The following DACH1 variants were observed in gnomAD, a reference collection of about 807,000 sequenced individuals.
DACH1 encodes dachshund family transcription factor 1, also known as dachshund homolog 1.
In DACH1, 12 loss-of-function variants were observed where a neutral mutation model predicts 54.2. The observed-to-expected ratio is 0.22, with a 90% CI of 0.14 to 0.36. DACH1 has a LOEUF of 0.36. DACH1 is among the 10% of genes least tolerant of loss of function. The pLI is 1.00. For missense variants in DACH1, 805 were observed against 929.8 expected (o/e 0.87, Z 1.75); for synonymous variants, 386 against 366.2 (o/e 1.05, Z -0.62).
rs558475206 is a variant in DACH1, at chr13:71,721,848, A to C, written c.849-39938T>G. Among the ~76,000 whole-genome samples, 322 of 152,280 alleles carry C rather than the reference A, an allele frequency of 2.1e-3. 2 individuals are homozygous for C. Among genetic ancestry groups the C allele is most frequent in the African/African-American group, 7.2e-3 (299 of 41,588 alleles). On this transcript the variant is annotated intron_variant, in intron 1 of 10. Transcript: ENST00000613252. ...GATGAAAGTTCTTAACAATATGTTA[A>C]AGCATTTTACTTCTTGAGTGGTACA...
chr13:71,747,444 G>A (rs1884645588), intron 1 of DACH1, among the ~76,000 whole-genome samples: 1 of 152,078 alleles, frequency 6.6e-6, no homozygotes, highest in South Asian at 2.1e-4. Flanking sequence ...AGCTGGGTGA[G>A]GTGGTGCATT....
Position 71,866,426 on chromosome 13 carries a change from C to T in DACH1, c.344G>A (p.Ser115Asn). 7.1e-7 allele frequency: 1 copy of T among 1,410,672 alleles called. No homozygotes were observed. The allele number at this position is 1,410,672 out of a possible 1,614,324, so 87.4% of individuals were successfully genotyped here. A position where few individuals can be genotyped will look rare whatever the true frequency, so the allele number is the denominator to read the frequency against. Residue 115 changes from serine to asparagine, a missense_variant, in exon 1 of 11, where the codon AGC (serine) becomes AAC (asparagine). This residue lies in a region of DACH1 where 305 missense variants were observed against 308.7 expected (regional missense o/e 0.99). Transcript: ENST00000613252. ...GCTGATGCCGCCGCCGCCGCCGCCG[C>T]TGCCGTTGCTCGCGGCCGCCAGGTT... ...NPNLAAASNGSGGGGGGISAG... is the reference protein window; with the variant it reads ...NPNLAAASNGNGGGGGGISAG...
chr13:71,764,624 C>A (rs370036749), intron 1 of DACH1, among the ~76,000 whole-genome samples: 1 of 152,066 alleles, frequency 6.6e-6, no homozygotes, highest in Non-Finnish European at 1.5e-5. Context: ...GGGTATAAGT[C>A]TCGTAAGTTT....
intron 4 of DACH1, among the ~76,000 whole-genome samples, chr13:71,563,407 G>A (rs1051960389): frequency 6.6e-6 from 1 of 151,896 alleles, no homozygotes; most frequent in Admixed American, 6.6e-5. Context: ...TGGAAAGCAT[G>A]AGAATATAAT....
In DACH1 at chr13:71,741,053, T is replaced by C. The variant is rs972685739; in HGVS notation, c.849-59143A>G. On this transcript the variant is annotated intron_variant, in intron 1 of 10. Transcript: ENST00000613252. ...TCAAGATAAAACAGTAAATTATTAG[T>C]TTTCTAAAGAAAAACTAGTAGTAAT... Among the ~76,000 whole-genome samples, 6 of 152,214 alleles carry C rather than the reference T, an allele frequency of 3.9e-5. No homozygotes were observed. In the East Asian group the frequency reaches 7.7e-4, roughly 20 times the overall value.
intron 6 of DACH1, among the ~76,000 whole-genome samples, chr13:71,532,081 G>T (rs561887722): frequency 1.1e-4 from 17 of 151,816 alleles, no homozygotes; most frequent in Non-Finnish European, 1.5e-4. Flanking sequence ...AATGATATTA[G>T]TGAACTACTT....
chr13:71,603,310 A>G (rs1417056485), intron 3 of DACH1, among the ~76,000 whole-genome samples: 1 of 151,994 alleles, frequency 6.6e-6, no homozygotes, highest in African/African-American at 2.4e-5. Flanking sequence ...GTACAGACTA[A>G]AAACAATCGC....
chr13:71,455,393 T>C (rs1324327852), intron 10 of DACH1, among the ~76,000 whole-genome samples: 3 of 152,078 alleles, frequency 2.0e-5, no homozygotes, highest in African/African-American at 7.2e-5. Flanking sequence ...TGTGTACCTA[T>C]ATATATCTTC....
chr13:71,816,143 A>T (rs2138165515), intron 1 of DACH1, among the ~76,000 whole-genome samples: 1 of 152,334 alleles, frequency 6.6e-6, no homozygotes, highest in African/African-American at 2.4e-5. Context: ...AGATTGTCTT[A>T]AAATTAACAA....
rs530132124 is a variant in DACH1, at chr13:71,657,770, T to A, written c.964+24025A>T. Among the ~76,000 whole-genome samples, 627 of 152,144 alleles carry A rather than the reference T, an allele frequency of 4.1e-3. 2 individuals are homozygous for A. Among genetic ancestry groups the A allele is most frequent in the African/African-American group, 0.014 (596 of 41,522 alleles). ...TCTCTTTTTTATGTCTGAGTAATTC[T>A]ATTTTTTTATTTTTTATTTTTTCAG... On this transcript the variant is annotated intron_variant, in intron 2 of 10. Coordinates refer to ENST00000613252, the MANE Select transcript of DACH1 (RefSeq NM_080759.6).
At chr13:71,677,949 A>C (rs1880669908) in intron 2 of DACH1, among the ~76,000 whole-genome samples, 1 of 151,956 alleles carries the variant, frequency 6.6e-6, no homozygotes, top group Admixed American at 6.6e-5. Flanking sequence ...AGATCTCTTG[A>C]CCTCATGATC....
intron 5 of DACH1, among the ~76,000 whole-genome samples, chr13:71,558,154 A>C (rs569643502): frequency 6.6e-6 from 1 of 152,200 alleles, no homozygotes; most frequent in South Asian, 2.1e-4. Flanking sequence ...ATAAAGTTGT[A>C]TTAAATCTAT....
At chr13:71,659,122 G>T (rs1879328790) in intron 2 of DACH1, among the ~76,000 whole-genome samples, 1 of 152,022 alleles carries the variant, frequency 6.6e-6, no homozygotes, top group African/African-American at 2.4e-5. Flanking sequence ...TACACATTTA[G>T]AACTTAACTA....
chr13:71,522,660 T>C (rs953795662), intron 6 of DACH1, among the ~76,000 whole-genome samples: 2 of 152,030 alleles, frequency 1.3e-5, no homozygotes, highest in African/African-American at 4.8e-5. Context: ...CACAATACCA[T>C]TAATATGAGT....
In DACH1 at chr13:71,564,219, A is replaced by T. The variant is rs1331034; in HGVS notation, c.1300-4264T>A. On this transcript the variant is annotated intron_variant, in intron 4 of 10. Transcript: ENST00000613252. Reference sequence around the variant, plus strand: ...TGAGTTTTATTCAGACATAATAAGAAAGAAGCAGTTCAATGTCTATAAGAA... The same window carrying T: ...TGAGTTTTATTCAGACATAATAAGATAGAAGCAGTTCAATGTCTATAAGAA... 5.1e-3 allele frequency among the ~76,000 whole-genome samples: 777 copies of T among 152,200 alleles called. 8 individuals are homozygous for T. The highest frequency in any genetic ancestry group is 0.017 in the African/African-American group (717 of 41,562).
intron 1 of DACH1, among the ~76,000 whole-genome samples, chr13:71,768,615 T>A (rs1299196277): frequency 6.6e-6 from 1 of 151,874 alleles, no homozygotes. Context: ...GGATGACATA[T>A]TTTTTCTTCT....
chr13:71,657,241 T>C (rs994401819), intron 2 of DACH1, among the ~76,000 whole-genome samples: 26 of 151,980 alleles, frequency 1.7e-4, no homozygotes, highest in African/African-American at 5.1e-4. Context: ...TTGTACATGG[T>C]TGACATTCAA....
intron 4 of DACH1, among the ~76,000 whole-genome samples, chr13:71,568,277 T>C (rs544883495): frequency 6.6e-6 from 1 of 152,168 alleles, no homozygotes; most frequent in South Asian, 2.1e-4. Context: ...GCATGAAATG[T>C]ACTGAGTCAG....
intron 1 of DACH1, among the ~76,000 whole-genome samples, chr13:71,730,015 A>G (rs1430897964): frequency 3.9e-5 from 6 of 152,120 alleles, no homozygotes; most frequent in Non-Finnish European, 7.4e-5. Flanking sequence ...ATAAAGAAAC[A>G]TAAGATTAAA....
Sources: allele counts gnomAD v4.1 joint callset (sites outside exome capture counted in the v4.1 genomes callset), GRCh38; gene constraint gnomAD v4.1.1; regional missense constraint gnomAD v4.1.1; transcripts MANE v1.5; gene names NCBI Gene and HGNC (gene_info 2026-07-23, HGNC 2026-07-21).